The following NKX2-6 variants were observed in gnomAD, a reference collection of about 807,000 sequenced individuals.
The protein encoded by NKX2-6 is NK2 homeobox 6, also known as homeobox protein Nkx-2.6.
Under a neutral mutation model 8.6 loss-of-function variants are expected in NKX2-6, and 8 were observed. The ratio of observed to expected loss-of-function variants is 0.93; its 90% confidence interval spans 0.54 to 1.67. The LOEUF (loss-of-function observed/expected upper bound fraction) is 1.67. NKX2-6 is among the 40% of genes most tolerant of loss of function. The pLI, the probability that NKX2-6 is intolerant of heterozygous loss-of-function variation, is 0.00. For synonymous variants in NKX2-6, 210 were observed against 199.3 expected, an observed-to-expected ratio of 1.05 and a Z score of -0.45; for missense variants, 475 against 423.1, an observed-to-expected ratio of 1.12 and a Z score of -1.08.
In NKX2-6 at chr8:23,702,322, C is replaced by CGGAT; in HGVS notation, c.*128_*129insATCC. 1 of 1,046,396 alleles carries CGGAT rather than the reference C, an allele frequency of 9.6e-7. No individual in the cohort carries two copies. Among genetic ancestry groups the CGGAT allele is most frequent in the Non-Finnish European group, 1.3e-6 (1 of 754,676 alleles). 64.8% of individuals were successfully genotyped at this position (1,046,396 alleles called of 1,614,324 possible). On this transcript the variant is annotated 3_prime_UTR_variant, in exon 2 of 2. Transcript: ENST00000325017. ...GGTGCAGATCGCAGTTTCAGAGATC[C>CGGAT]CTCCGGAAAGAAGCGCCGTTGGGTA...
intron 1 of NKX2-6, among the ~76,000 whole-genome samples, chr8:23,704,862 C>T (rs1801065751): frequency 1.3e-5 from 2 of 152,194 alleles, no homozygotes; most frequent in South Asian, 4.1e-4. Flanking sequence ...GGTGGGCCAG[C>T]ACCCTGCGCC....
chr8:23,706,434 A>T lies in NKX2-6; in HGVS notation c.165T>A (p.Val55=), dbSNP rs1801092045. The T allele has an allele frequency of 2.6e-6, 4 of 1,549,666 alleles. No individual in the cohort carries two copies. Among genetic ancestry groups the T allele is most frequent in the Non-Finnish European group, 3.5e-6 (4 of 1,147,004 alleles). ...CACCGCCGCCGCCACCAGCGTTGTG[A>T]ACCTCTGACCCTCGCGGCTCTGCGT... is the stretch of plus-strand genomic sequence containing the variant. The part of the protein sequence containing the change: ...RMDAEPRGSE[V]HNAGGGGGDR... Residue 55 remains valine (V), a synonymous_variant, in exon 1 of 2, where the codon GTT becomes GTA. Transcript: ENST00000325017.
intron 1 of NKX2-6, among the ~76,000 whole-genome samples, chr8:23,703,736 CTGTG>C (rs1183325947): frequency 6.7e-6 from 1 of 149,498 alleles, no homozygotes; most frequent in Admixed American, 6.7e-5. Context: ...AAAAAAAAAA[CTGTG>C]TGTGCATGGT....
Position 23,702,852 on chromosome 8 carries a change from G to A in NKX2-6, c.505C>T (p.Leu169=). The A allele has an allele frequency of 6.4e-7, 1 of 1,568,954 alleles. No homozygotes were observed. The highest frequency in any genetic ancestry group is 8.6e-7 in the Non-Finnish European group (1 of 1,156,642). Residue 169 remains leucine, a synonymous_variant, in exon 2 of 2, where the codon CTG becomes TTG. Coordinates refer to ENST00000325017, the MANE Select transcript of NKX2-6 (RefSeq NM_001136271.3). ...TTGACCTGCGTGGACGTGAGCTGCAGCGCGCTGGCCAGGTGCTCGCGCTCG... is the reference window on the plus strand; with the variant it reads ...TTGACCTGCGTGGACGTGAGCTGCAACGCGCTGGCCAGGTGCTCGCGCTCG... The part of the protein sequence containing the change: ...APEREHLASA[L]QLTSTQVKIW...
Position 23,702,683 on chromosome 8 carries a change from G to A in NKX2-6, c.674C>T (p.Pro225Leu), listed in dbSNP as rs1221676586. 3 of 1,550,856 alleles carry A rather than the reference G, an allele frequency of 1.9e-6. No individual in the cohort carries two copies. In the African/African-American group the frequency reaches 4.1e-5, roughly 21 times the overall value. ...RDGKPCLGPG[P>L]GAPAFPSPYS... is the part of the protein sequence containing the mutation. ...GGGGCTGGGGAAGGCAGGTGCGCCG[G>A]GCCCGGGGCCCAGGCAGGGCTTGCC... The change falls in exon 2 of 2, where the codon CCC becomes CTC. Residue 225 changes from proline (P) to leucine (L), a missense_variant. By Grantham distance (98) the Pro-to-Leu change is moderately conservative (BLOSUM62 -3). Coordinates refer to ENST00000325017, the MANE Select transcript of NKX2-6 (RefSeq NM_001136271.3).
intron 1 of NKX2-6, among the ~76,000 whole-genome samples, chr8:23,705,491 A>G (rs1801076012): frequency 6.6e-6 from 1 of 152,148 alleles, no homozygotes; most frequent in Admixed American, 6.5e-5. Flanking sequence ...CATCCCTTGG[A>G]ATATCGGGCC....
chr8:23,703,247 G>C (rs963686642), intron 1 of NKX2-6, among the ~76,000 whole-genome samples, 165 bp from the exon 2 acceptor site: 2 of 152,228 alleles, frequency 1.3e-5, no homozygotes, highest in African/African-American at 4.8e-5. Flanking sequence ...CCTGTCCCAG[G>C]ACTGTCTCCA....
intron 1 of NKX2-6, among the ~76,000 whole-genome samples, chr8:23,705,628 G>A (rs570178024): frequency 6.6e-6 from 1 of 152,204 alleles, no homozygotes; most frequent in African/African-American, 2.4e-5. Flanking sequence ...CGGCGCGCAC[G>A]GTTGCGCCTT....
Position 23,702,544 on chromosome 8 carries a change from T to A in NKX2-6, c.813A>T (p.Thr271=). The A allele has an allele frequency of 6.5e-7, 1 of 1,541,896 alleles. No homozygotes were observed. Among genetic ancestry groups the A allele is most frequent in the Non-Finnish European group, 8.7e-7 (1 of 1,145,488 alleles). The change falls in exon 2 of 2, where the codon ACA becomes ACT. Residue 271 remains threonine (T), a synonymous_variant. Transcript: ENST00000325017. ...GTCCGAAGCCCGCGCTGGCCAGTGG[T>A]GTGTGTGGCGCAGGACCCGAGGGCG... ...AGAPSGPAPH[T]PLASAGFGHG... is the part of the protein sequence containing the mutation.
Position 23,703,027 on chromosome 8 carries a change from G to C in NKX2-6, c.330C>G (p.Arg110=). 6.5e-7 allele frequency: 1 copy of C among 1,540,696 alleles called. No individual in the cohort carries two copies. Among genetic ancestry groups the C allele is most frequent in the Non-Finnish European group, 8.7e-7 (1 of 1,145,958 alleles). The change falls in exon 2 of 2, where the codon CGC becomes CGG. Residue 110 remains arginine (R), a synonymous_variant. Coordinates refer to ENST00000325017, the MANE Select transcript of NKX2-6 (RefSeq NM_001136271.3). The stretch of plus-strand genomic sequence containing the variant: ...CGCTGTCGCCGCTGTTGCCAACGCC[G>C]CGCTCTGGCACCCTGGTCCCGCCGC... ...PLGGGTRVPE[R]GVGNSGDSVR...
chr8:23,706,555 T>C lies in NKX2-6; in HGVS notation c.44A>G (p.Asp15Gly), dbSNP rs1458214347. 3 of 1,536,432 alleles carry C rather than the reference T, an allele frequency of 2.0e-6. No individual in the cohort carries two copies. Among genetic ancestry groups the C allele is most frequent in the African/African-American group, 1.4e-5 (1 of 73,162 alleles). ...PVTSTPFSVK[D>G]ILRLERERSC... The stretch of plus-strand genomic sequence containing the variant: ...CCGCTCGCGCTCCAGTCGCAGGATG[T>C]CCTTGACCGAGAAGGGGGTGGAGGT... The change falls in exon 1 of 2, where the codon GAC becomes GGC. Residue 15 changes from aspartate (D) to glycine (G), a missense_variant. Transcript: ENST00000325017.
intron 1 of NKX2-6, among the ~76,000 whole-genome samples, chr8:23,703,528 C>T (rs1801042734): frequency 6.6e-6 from 1 of 151,762 alleles, no homozygotes; most frequent in African/African-American, 2.4e-5. Context: ...AACCCCGTCT[C>T]TACTAAAAAT....
At position 23,702,870 on chromosome 8, in the gene NKX2-6, C is replaced by A; in HGVS notation, c.487G>T (p.Glu163Ter). The change falls in exon 2 of 2, where the codon GAG becomes TAG. Residue 163 changes from glutamate (E) to a stop codon, truncating the protein, a stop_gained. Coordinates refer to ENST00000325017, the MANE Select transcript of NKX2-6 (RefSeq NM_001136271.3). LOFTEE classifies it low-confidence loss of function (END_TRUNC). ...AGCTGCAGCGCGCTGGCCAGGTGCTCGCGCTCGGGCGCTGACAGGTACCGC... is the reference window on the plus strand; with the variant it reads ...AGCTGCAGCGCGCTGGCCAGGTGCTAGCGCTCGGGCGCTGACAGGTACCGC... ...QQRYLSAPER[E>*]HLASALQLTS... 6.4e-7 allele frequency: 1 copy of A among 1,560,852 alleles called. No individual in the cohort carries two copies. The highest frequency in any genetic ancestry group is 8.7e-7 in the Non-Finnish European group (1 of 1,152,230).
rs1215484588 is a variant in NKX2-6 at position 23,701,879 on chromosome 8, C to A, written c.*572G>T. Among the ~76,000 whole-genome samples the A allele has an allele frequency of 1.3e-5, 2 of 152,162 alleles. No homozygotes were observed. ...GAGTGCTCCTCTGGATTAACGGAGT[C>A]CCCTGGGGCGCGGCCTTATGGGGAT... On this transcript the variant is annotated 3_prime_UTR_variant, in exon 2 of 2. Coordinates refer to ENST00000325017, the MANE Select transcript of NKX2-6 (RefSeq NM_001136271.3).
At position 23,702,343 on chromosome 8, in the gene NKX2-6, G is replaced by A. The variant is rs1351475798; in HGVS notation, c.*108C>T. ...GATCCCTCCGGAAAGAAGCGCCGTT[G>A]GGTAGCAGCTTCCTTCCAGCGCCGC... On this transcript the variant is annotated 3_prime_UTR_variant, in exon 2 of 2. Transcript: ENST00000325017. 3 of 1,227,492 alleles carry A rather than the reference G, an allele frequency of 2.4e-6. No homozygotes were observed. The highest frequency in any genetic ancestry group is 2.2e-6 in the Non-Finnish European group (2 of 916,254). 76.0% of individuals were successfully genotyped at this position (1,227,492 alleles called of 1,614,324 possible).
chr8:23,702,517 G>A lies in NKX2-6; in HGVS notation c.840C>T (p.His280=). ...CCTGCGGGGTGGCATTCTGGCCACC[G>A]TGTCCGAAGCCCGCGCTGGCCAGTG... ...HTPLASAGFG[H]GGQNATPQGH... Residue 280 remains histidine, a synonymous_variant, in exon 2 of 2, where the codon CAC becomes CAT. Coordinates refer to ENST00000325017, the MANE Select transcript of NKX2-6 (RefSeq NM_001136271.3). 1.3e-6 allele frequency: 2 copies of A among 1,533,448 alleles called. No individual in the cohort carries two copies. Among genetic ancestry groups the A allele is most frequent in the Non-Finnish European group, 1.8e-6 (2 of 1,139,918 alleles). 95.0% of individuals were successfully genotyped at this position (1,533,448 alleles called of 1,614,324 possible).
At chr8:23,705,992 G>A (rs1312731433) in intron 1 of NKX2-6, among the ~76,000 whole-genome samples, 3 of 152,176 alleles carry the variant, frequency 2.0e-5, no homozygotes, top group African/African-American at 4.8e-5. Flanking sequence ...AAGACACTGC[G>A]GAGGGTTTCG....
In NKX2-6 at chr8:23,702,751, AG is replaced by A. The variant is rs1407616821; in HGVS notation, c.605del (p.Pro202LeufsTer2). On this transcript the variant is annotated frameshift_variant, in exon 2 of 2. Transcript: ENST00000325017. LOFTEE classifies it low-confidence loss of function (END_TRUNC). ...GCACAGCTACTCGGCGCGGCGTTAG[AG>A]GGTGGCCAGCCAGTTCCAGCGACTT... ...QDKSLELAGH[P>X]LTPRRVAVPV... is the part of the protein sequence containing the mutation. The A allele has an allele frequency of 6.4e-7, 1 of 1,552,564 alleles. No homozygotes were observed. Among genetic ancestry groups the A allele is most frequent in the African/African-American group, 1.4e-5 (1 of 73,098 alleles).
rs1166083292 is a variant in NKX2-6, at chr8:23,706,651, T to C, written c.-53A>G. On this transcript the variant is annotated 5_prime_UTR_variant, in exon 1 of 2. Transcript: ENST00000325017. The stretch of plus-strand genomic sequence containing the variant: ...GAGGTCCGGGTGAGGAGCGGCACCC[T>C]GAACTTCCCGTCTTGTCGCTGCAGG... The C allele has an allele frequency of 6.7e-7, 1 of 1,483,890 alleles. No individual in the cohort carries two copies. The highest frequency in any genetic ancestry group is 9.0e-7 in the Non-Finnish European group (1 of 1,115,576). The allele number at this position is 1,483,890 out of a possible 1,614,324, so 91.9% of individuals were successfully genotyped here.
Sources: allele counts gnomAD v4.1 joint callset (sites outside exome capture counted in the v4.1 genomes callset), GRCh38; gene constraint gnomAD v4.1.1; transcripts MANE v1.5; gene names NCBI Gene and HGNC (gene_info 2026-07-23, HGNC 2026-07-21).